Variants in MFSD6 observed in about 807,000 individuals in gnomAD.
MFSD6 encodes major facilitator superfamily domain-containing protein 6.
MFSD6 carries 26 observed loss-of-function variants against 56.3 expected under a neutral mutation model. That is an observed-to-expected ratio of 0.46 (90% CI 0.34 to 0.64). The LOEUF (loss-of-function observed/expected upper bound fraction) is 0.64, where lower values mean the gene tolerates loss of function less well. Ranked by LOEUF, MFSD6 falls within the 30% of genes least tolerant of loss-of-function variation. The probability of loss-of-function intolerance (pLI) is 0.01; values close to 1 mark genes in which losing one functional copy is unlikely to be tolerated. For synonymous variants in MFSD6, 331 were observed against 366.9 expected (o/e 0.90, Z 1.12); for missense variants, 750 against 986.2 (o/e 0.76, Z 3.21).
At position 190,434,215 on chromosome 2, in the gene MFSD6, T is replaced by C. The variant is rs916822936; in HGVS notation, c.-53-1762T>C. ...AAAAAAGAAAAAAAAGAAAAGAAGGTGAAAGGAATTAACACATATTTAATG... is the reference window on the plus strand; with the variant it reads ...AAAAAAGAAAAAAAAGAAAAGAAGGCGAAAGGAATTAACACATATTTAATG... On this transcript the variant is annotated intron_variant, in intron 2 of 7. Coordinates refer to ENST00000392328, the MANE Select transcript of MFSD6 (RefSeq NM_017694.4). The surrounding 1 kb of genome is among the most constrained non-coding windows in gnomAD (Gnocchi z 4.3). Among the ~76,000 whole-genome samples the C allele has an allele frequency of 6.7e-6, 1 of 149,028 alleles. No individual in the cohort carries two copies. Among genetic ancestry groups the C allele is most frequent in the Non-Finnish European group, 1.5e-5 (1 of 67,338 alleles).
Position 190,431,825 on chromosome 2 carries a change from T to C in MFSD6, c.-53-4152T>C, listed in dbSNP as rs1186419784. Among the ~76,000 whole-genome samples the C allele has an allele frequency of 6.6e-6, 1 of 152,270 alleles. No individual in the cohort carries two copies. Among genetic ancestry groups the C allele is most frequent in the African/African-American group, 2.4e-5 (1 of 41,478 alleles). On this transcript the variant is annotated intron_variant, in intron 2 of 7. Coordinates refer to ENST00000392328, the MANE Select transcript of MFSD6 (RefSeq NM_017694.4). This position sits in a 1 kb window ranked among gnomAD's most constrained non-coding sequence, Gnocchi z 4.4. The stretch of plus-strand genomic sequence containing the variant: ...TTTCATATCATCTCAATTTTTCATT[T>C]ATGCTATAATACTTATAAATTCCAG...
chr2:190,449,265 G>C (rs1323657903), intron 3 of MFSD6, among the ~76,000 whole-genome samples: 1 of 152,170 alleles, frequency 6.6e-6, no homozygotes, highest in African/African-American at 2.4e-5. Flanking sequence ...CCTGAGGTCA[G>C]GAGTTCAAGA....
At position 190,454,881 on chromosome 2, in the gene MFSD6, C is replaced by T. The variant is rs1392612712; in HGVS notation, c.1533-14877C>T. On this transcript the variant is annotated intron_variant, in intron 3 of 7. Transcript: ENST00000392328. The surrounding 1 kb of genome is among the most constrained non-coding windows in gnomAD (Gnocchi z 4.6). Reference sequence around the variant, plus strand: ...AGTGGGATGATGGTAGGAGTGAGTCCGGCAACGGCAAACTTGTATTTTTCT... The same window carrying T: ...AGTGGGATGATGGTAGGAGTGAGTCTGGCAACGGCAAACTTGTATTTTTCT... Among the ~76,000 whole-genome samples, 3 of 151,406 alleles carry T rather than the reference C, an allele frequency of 2.0e-5. No homozygotes were observed. Among genetic ancestry groups the T allele is most frequent in the African/African-American group, 2.4e-5 (1 of 41,034 alleles).
At chr2:190,422,984 A>G (rs1685677260) in intron 2 of MFSD6, among the ~76,000 whole-genome samples, 1 of 152,176 alleles carries the variant, frequency 6.6e-6, no homozygotes, top group Non-Finnish European at 1.5e-5. Context: ...GCCCTAGATA[A>G]GAAAATACAT....
In MFSD6 at chr2:190,500,039, TCTC is replaced by T. The variant is rs1559148218; in HGVS notation, c.2200_2202del (p.Pro734del). 5 of 1,614,140 alleles carry T rather than the reference TCTC, an allele frequency of 3.1e-6. No individual in the cohort carries two copies. The highest frequency in any genetic ancestry group is 4.2e-6 in the Non-Finnish European group (5 of 1,180,014). On this transcript the variant is annotated inframe_deletion, in exon 8 of 8. Coordinates refer to ENST00000392328, the MANE Select transcript of MFSD6 (RefSeq NM_017694.4). This position sits in a 1 kb window ranked among gnomAD's most constrained non-coding sequence, Gnocchi z 5.3. Reference sequence around the variant, plus strand: ...GGGGACCAATGAGAATAGGGAAAATTCTCCTGCTGGTAGAGCCCAGCCTGTCCC... The same window carrying T: ...GGGGACCAATGAGAATAGGGAAAATTCTGCTGGTAGAGCCCAGCCTGTCCC...
rs1476191469 is a variant in MFSD6 at position 190,490,072 on chromosome 2, G to A, written c.1891+206G>A. On this transcript the variant is annotated intron_variant, in intron 6 of 7. Transcript: ENST00000392328. This position sits in a 1 kb window ranked among gnomAD's most constrained non-coding sequence, Gnocchi z 4.5. The stretch of plus-strand genomic sequence containing the variant: ...AAAAAATATTGTTTTAAGTAGCTTG[G>A]GGTTTTCTTGTTTTTTGTTTGTTTG... 6.7e-6 allele frequency among the ~76,000 whole-genome samples: 1 copy of A among 148,872 alleles called. No individual in the cohort carries two copies. The highest frequency in any genetic ancestry group is 2.4e-5 in the African/African-American group (1 of 41,304).
At chr2:190,483,172 G>A (rs1323085565) in intron 4 of MFSD6, among the ~76,000 whole-genome samples, 3 of 151,334 alleles carry the variant, frequency 2.0e-5, no homozygotes, top group South Asian at 2.1e-4. Flanking sequence ...GATTACAGGC[G>A]TGAGCCACCG....
At chr2:190,411,509 T>C (rs1489800865) in intron 1 of MFSD6, 2 of 985,308 alleles carry the variant, frequency 2.0e-6, no homozygotes, top group African/African-American at 3.5e-5. Flanking sequence ...GAGGATGTTT[T>C]TGCTTTTTAC....
chr2:190,494,022 ATGAAAT>A lies in MFSD6; in HGVS notation c.1892-3412_1892-3407del, dbSNP rs1388689972. ...ATAACCAAGATGAGAGAATAACTAA[ATGAAAT>A]TGAAGGAAAAAAAATACAAAAAATA... On this transcript the variant is annotated intron_variant, in intron 6 of 7. Transcript: ENST00000392328. The surrounding 1 kb of genome is among the most constrained non-coding windows in gnomAD (Gnocchi z 5.7). Among the ~76,000 whole-genome samples the A allele has an allele frequency of 6.6e-6, 1 of 152,144 alleles. No homozygotes were observed. The highest frequency in any genetic ancestry group is 2.4e-5 in the African/African-American group (1 of 41,450).
chr2:190,408,124 G>A (rs1690377082), upstream of MFSD6, among the ~76,000 whole-genome samples: 1 of 151,986 alleles, frequency 6.6e-6, no homozygotes. Flanking sequence ...CGCCGCCGCC[G>A]CAGGAGGCGG....
At position 190,417,071 on chromosome 2, in the gene MFSD6, T is replaced by G. The variant is rs1001898513; in HGVS notation, c.-54+1658T>G. On this transcript the variant is annotated intron_variant, in intron 2 of 7. Coordinates refer to ENST00000392328, the MANE Select transcript of MFSD6 (RefSeq NM_017694.4). The surrounding 1 kb of genome is among the most constrained non-coding windows in gnomAD (Gnocchi z 5.7). Reference sequence around the variant, plus strand: ...GGCAAACGAGATATCTGTAAAAAGATAGCAATAAAATTACCTATAAATCCT... The same window carrying G: ...GGCAAACGAGATATCTGTAAAAAGAGAGCAATAAAATTACCTATAAATCCT... Among the ~76,000 whole-genome samples, 1 of 152,058 alleles carries G rather than the reference T, an allele frequency of 6.6e-6. No homozygotes were observed. The highest frequency in any genetic ancestry group is 1.5e-5 in the Non-Finnish European group (1 of 68,012).
chr2:190,489,785 C>G lies in MFSD6; in HGVS notation c.1810C>G (p.Arg604Gly). Residue 604 changes from arginine (R) to glycine (G), a missense_variant, in exon 6 of 8, where the codon CGA becomes GGA. Around this residue, in one of 5 missense-constraint regions of MFSD6, gnomAD observed 125 missense variants for 223.1 expected, o/e 0.56. Transcript: ENST00000392328. This position sits in a 1 kb window ranked among gnomAD's most constrained non-coding sequence, Gnocchi z 6.6. ...TTTTATAGGGGCTGCTGCAACCTTCCGAGGAATTGGCATGGCCTGCTTGGT... is the reference window on the plus strand; with the variant it reads ...TTTTATAGGGGCTGCTGCAACCTTCGGAGGAATTGGCATGGCCTGCTTGGT... ...VNYFGAAATF[R>G]GIGMACLVIL... The G allele has an allele frequency of 6.2e-7, 1 of 1,614,070 alleles. No individual in the cohort carries two copies. Among genetic ancestry groups the G allele is most frequent in the Non-Finnish European group, 8.5e-7 (1 of 1,179,958 alleles).
chr2:190,419,619 T>A (rs1301387128), intron 2 of MFSD6, among the ~76,000 whole-genome samples: 1 of 152,268 alleles, frequency 6.6e-6, no homozygotes, highest in African/African-American at 2.4e-5. Flanking sequence ...TTCCAAATAA[T>A]GTATTCGATC....
chr2:190,455,072 T>C (rs1170727878), intron 3 of MFSD6, among the ~76,000 whole-genome samples: 2 of 151,990 alleles, frequency 1.3e-5, no homozygotes, highest in Non-Finnish European at 2.9e-5. Flanking sequence ...ACAGATTTGC[T>C]TTTTGCCCAA....
Position 190,420,274 on chromosome 2 carries a change from A to G in MFSD6, c.-54+4861A>G, listed in dbSNP as rs369118425. On this transcript the variant is annotated intron_variant, in intron 2 of 7. Transcript: ENST00000392328. ...ACAGTTCTGGAGACTGAGAAATCCAACATCAAGGTGCAAGTAAACTCTGTT... is the reference window on the plus strand; with the variant it reads ...ACAGTTCTGGAGACTGAGAAATCCAGCATCAAGGTGCAAGTAAACTCTGTT... Among the ~76,000 whole-genome samples the G allele has an allele frequency of 7.9e-5, 12 of 152,110 alleles. No individual in the cohort carries two copies. The East Asian group carries it at 2.1e-3, about 27-fold the overall frequency.
At chr2:190,448,789 A>G (rs962647826) in intron 3 of MFSD6, among the ~76,000 whole-genome samples, 1 of 152,180 alleles carries the variant, frequency 6.6e-6, no homozygotes, top group Non-Finnish European at 1.5e-5. Context: ...TTTTTCTTTA[A>G]GGAAATAATG....
chr2:190,417,234 A>G lies in MFSD6; in HGVS notation c.-54+1821A>G, dbSNP rs1327991242. ...AAAGTACTGTTTGTTCTGAAATGATACCATCACAGGACTTCAGTACTGGAT... is the reference window on the plus strand; with the variant it reads ...AAAGTACTGTTTGTTCTGAAATGATGCCATCACAGGACTTCAGTACTGGAT... On this transcript the variant is annotated intron_variant, in intron 2 of 7. Coordinates refer to ENST00000392328, the MANE Select transcript of MFSD6 (RefSeq NM_017694.4). The surrounding 1 kb of genome is among the most constrained non-coding windows in gnomAD (Gnocchi z 5.7). 6.6e-6 allele frequency among the ~76,000 whole-genome samples: 1 copy of G among 152,212 alleles called. No homozygotes were observed. The highest frequency in any genetic ancestry group is 2.4e-5 in the African/African-American group (1 of 41,452).
chr2:190,468,323 AACTTTTTCTT>A (rs1165052496), intron 3 of MFSD6, among the ~76,000 whole-genome samples: 1 of 152,026 alleles, frequency 6.6e-6, no homozygotes, highest in African/African-American at 2.4e-5. Context: ...CACACCCTTC[AACTTTTTCTT>A]TTTTGTCTTT....
rs1689392240 is a variant in MFSD6 at position 190,492,043 on chromosome 2, A to T, written c.1891+2177A>T. ...TGGAAAGTCTCAGCAACAGAATCGA[A>T]GAAGCAGAAGAAAGAACTTCAGAGC... On this transcript the variant is annotated intron_variant, in intron 6 of 7. Transcript: ENST00000392328. The surrounding 1 kb of genome is among the most constrained non-coding windows in gnomAD (Gnocchi z 5.2). 6.6e-6 allele frequency among the ~76,000 whole-genome samples: 1 copy of T among 152,242 alleles called. No homozygotes were observed. Among genetic ancestry groups the T allele is most frequent in the South Asian group, 2.1e-4 (1 of 4,836 alleles).
Sources: gnomAD v4.1 joint callset for allele counts (sites outside exome capture counted in the v4.1 genomes callset) on GRCh38, gnomAD v4.1.1 for gene constraint, gnomAD v4.1.1 regional missense constraint, Gnocchi (gnomAD v3.1) non-coding constraint, MANE v1.5 for transcripts, NCBI Gene and HGNC (gene_info 2026-07-23, HGNC 2026-07-21) for gene names.